GNA14: variants seen among roughly 807,000 people sequenced by gnomAD.
The protein encoded by GNA14 is G protein subunit alpha 14.
A neutral mutation model predicts 42.0 loss-of-function variants in GNA14; 50 were observed. The observed-to-expected ratio is 1.19, with a 90% CI of 0.95 to 1.51. The LOEUF (loss-of-function observed/expected upper bound fraction) is 1.51. GNA14 is among the 40% of genes most tolerant of loss of function. GNA14 has a pLI of 0.00. For missense variants in GNA14, 473 were observed against 446.2 expected (o/e 1.06, Z -0.54); for synonymous variants, 173 against 163.1 (o/e 1.06, Z -0.46).
In GNA14 at chr9:77,623,764, C is replaced by G. The variant is rs137923507; in HGVS notation, c.124+23906G>C. Among the ~76,000 whole-genome samples, 5 of 152,310 alleles carry G rather than the reference C, an allele frequency of 3.3e-5. No homozygotes were observed. In the East Asian group the frequency reaches 9.7e-4, roughly 29 times the overall value. ...AATACTACACTTTTCCGACGGTCTT[C>G]GGAACCCGCAGACCAGGAGATTCCC... On this transcript the variant is annotated intron_variant, in intron 1 of 6. Coordinates refer to ENST00000341700, the MANE Select transcript of GNA14 (RefSeq NM_004297.4).
intron 3 of GNA14, among the ~76,000 whole-genome samples, chr9:77,432,634 T>C (rs1456926580): frequency 6.6e-6 from 1 of 152,078 alleles, no homozygotes; most frequent in Admixed American, 6.5e-5. Context: ...GTCCTGCCGG[T>C]TTGGAAGGTT....
chr9:77,624,009 G>A (rs970025556), intron 1 of GNA14, among the ~76,000 whole-genome samples: 2 of 152,152 alleles, frequency 1.3e-5, no homozygotes, highest in Non-Finnish European at 2.9e-5. Context: ...AGCAAGCTAC[G>A]TTCCACTGGC....
intron 1 of GNA14, among the ~76,000 whole-genome samples, chr9:77,572,286 A>G (rs1823072227): frequency 1.3e-5 from 2 of 152,186 alleles, no homozygotes; most frequent in African/African-American, 2.4e-5. Flanking sequence ...CACGTAGGGA[A>G]GAAGAATTAT....
chr9:77,479,826 T>C (rs569039277), intron 2 of GNA14, among the ~76,000 whole-genome samples: 170 of 152,092 alleles, frequency 1.1e-3, no homozygotes, highest in African/African-American at 3.8e-3. Context: ...TGAATGGGAG[T>C]TCACTCATGA....
In GNA14 at chr9:77,529,154, A is replaced by G. The variant is rs751266583; in HGVS notation, c.224T>C (p.Val75Ala). ...DEDRKGFTKL[V>A]YQNIFTAMQA... ...CATGGCGGTGAATATGTTTTGGTAA[A>G]CCAGCTTCGTGAACCCCTTTCTGTC... The change falls in exon 2 of 7, where the codon GTT (valine) becomes GCT (alanine). Residue 75 changes from valine (V) to alanine (A), a missense_variant. Physicochemically the swap from Val to Ala is moderately conservative, Grantham distance 64. Transcript: ENST00000341700. The G allele has an allele frequency of 1.2e-6, 2 of 1,614,132 alleles. No individual in the cohort carries two copies. Among genetic ancestry groups the G allele is most frequent in the Non-Finnish European group, 1.7e-6 (2 of 1,179,964 alleles).
At chr9:77,610,306 T>C (rs1203046505) in intron 1 of GNA14, among the ~76,000 whole-genome samples, 2 of 152,234 alleles carry the variant, frequency 1.3e-5, no homozygotes, top group Admixed American at 1.3e-4. Flanking sequence ...GTGTGGCTCC[T>C]GTGTGCTTGC....
chr9:77,545,345 T>C (rs543708364), intron 1 of GNA14, among the ~76,000 whole-genome samples: 1 of 152,210 alleles, frequency 6.6e-6, no homozygotes, highest in South Asian at 2.1e-4. Context: ...TCTTTAAAAA[T>C]ATAATGCACT....
chr9:77,580,119 T>A (rs1823194335), intron 1 of GNA14: 1 of 191,136 alleles, frequency 5.2e-6, no homozygotes, highest in African/African-American at 2.3e-5. Flanking sequence ...TCCTAGTTTG[T>A]GCCCATTATG....
chr9:77,622,550 CAG>C (rs1823943739), intron 1 of GNA14, among the ~76,000 whole-genome samples: 1 of 151,946 alleles, frequency 6.6e-6, no homozygotes, highest in African/African-American at 2.4e-5. Context: ...GGGCGGATCA[CAG>C]AGTCAGGAGA....
At chr9:77,558,885 C>T (rs1822832058) in intron 1 of GNA14, among the ~76,000 whole-genome samples, 1 of 150,926 alleles carries the variant, frequency 6.6e-6, no homozygotes, top group South Asian at 2.1e-4. Context: ...TGTATCTCTT[C>T]TAGCAAGTAC....
intron 2 of GNA14, among the ~76,000 whole-genome samples, chr9:77,520,977 G>A (rs12336428): frequency 0.014 from 2,163 of 152,218 alleles, 63 homozygotes; most frequent in African/African-American, 0.049. Context: ...TAATTGTGAC[G>A]GCAATCAAGA....
intron 2 of GNA14, among the ~76,000 whole-genome samples, chr9:77,448,685 C>T (rs1449245123): frequency 6.6e-6 from 1 of 152,156 alleles, no homozygotes; most frequent in South Asian, 2.1e-4. Context: ...TTCATTCATT[C>T]ATCAGGCATG....
intron 1 of GNA14, among the ~76,000 whole-genome samples, chr9:77,575,625 A>T (rs145267225): frequency 1.2e-3 from 176 of 152,304 alleles, no homozygotes; most frequent in Non-Finnish European, 2.2e-3. Context: ...AGGCCCAGAC[A>T]ATGATTTTGT....
chr9:77,561,324 A>C (rs1822879166), intron 1 of GNA14, among the ~76,000 whole-genome samples: 1 of 152,204 alleles, frequency 6.6e-6, no homozygotes, highest in South Asian at 2.1e-4. Flanking sequence ...TTGTTCCCTC[A>C]AATGAACAAA....
chr9:77,519,192 C>T (rs1209031866), intron 2 of GNA14, among the ~76,000 whole-genome samples: 1 of 152,172 alleles, frequency 6.6e-6, no homozygotes, highest in Non-Finnish European at 1.5e-5. Flanking sequence ...GGGTGGGTCA[C>T]CTGAGGTCAG....
chr9:77,628,061 A>C (rs997922253), intron 1 of GNA14, among the ~76,000 whole-genome samples: 5 of 152,342 alleles, frequency 3.3e-5, no homozygotes, highest in South Asian at 4.1e-4. Context: ...ATACAAAATC[A>C]ATGTGCAAAA....
intron 3 of GNA14, among the ~76,000 whole-genome samples, chr9:77,431,872 T>C (rs917362827): frequency 6.6e-6 from 1 of 152,136 alleles, no homozygotes; most frequent in East Asian, 1.9e-4. Context: ...GGAGATGCTG[T>C]TCTCTAAAGC....
At chr9:77,618,580 GAA>G in intron 1 of GNA14, among the ~76,000 whole-genome samples, 1 of 70,396 alleles carries the variant, frequency 1.4e-5, no homozygotes, top group Non-Finnish European at 2.6e-5. Flanking sequence ...GATTACATTT[GAA>G]TATATATATA....
At chr9:77,467,676 G>A (rs1836261080) in intron 2 of GNA14, among the ~76,000 whole-genome samples, 1 of 137,408 alleles carries the variant, frequency 7.3e-6, no homozygotes, top group African/African-American at 2.8e-5. Context: ...TTTAAGACTA[G>A]TCAAGTGCAA....
Sources: allele counts gnomAD v4.1 joint callset (sites outside exome capture counted in the v4.1 genomes callset), GRCh38; gene constraint gnomAD v4.1.1; transcripts MANE v1.5; gene names NCBI Gene and HGNC (gene_info 2026-07-23, HGNC 2026-07-21).